The following RIGI variants were observed in gnomAD, a reference collection of about 807,000 sequenced individuals.
RIGI encodes RNA sensor RIG-I.
At chr9:32,521,314 T>C in the RIGI span, among the ~76,000 whole-genome samples, 1 of 152,076 alleles carries the variant, frequency 6.6e-6, no homozygotes, top group Non-Finnish European at 1.5e-5. Context: ...TGACATAAAA[T>C]ATTTGTTTAC....
the RIGI span, chr9:32,488,345 G>C: frequency 1.2e-6 from 1 of 803,326 alleles, no homozygotes; most frequent in African/African-American, 1.7e-5. Context: ...CCTTAGCACA[G>C]AGCCTGACAC....
the RIGI span, chr9:32,526,170 G>A: frequency 1.7e-5 from 28 of 1,610,076 alleles, no homozygotes; most frequent in African/African-American, 6.7e-5. Context: ...TGGTCATGCC[G>A]GCCTCTGCTT....
the RIGI span, among the ~76,000 whole-genome samples, chr9:32,478,950 T>C: frequency 4.7e-4 from 71 of 152,352 alleles, no homozygotes; most frequent in African/African-American, 1.5e-3. Context: ...GCACAAAATA[T>C]TGAGAAACAT....
the RIGI span, among the ~76,000 whole-genome samples, chr9:32,471,758 A>C: frequency 6.6e-6 from 1 of 152,224 alleles, no homozygotes; most frequent in South Asian, 2.1e-4. Flanking sequence ...GAGGAACAAC[A>C]AAGTTTGAAA....
the RIGI span, chr9:32,489,354 A>C: frequency 6.2e-7 from 1 of 1,610,296 alleles, no homozygotes; most frequent in Non-Finnish European, 8.5e-7. Context: ...CTGTAGGAGC[A>C]CATATTATTG....
chr9:32,492,645 G>A, the RIGI span: 1 of 1,310,648 alleles, frequency 7.6e-7, no homozygotes. Context: ...TAAAGCCATT[G>A]TACATTACAG....
chr9:32,477,179 T>C, the RIGI span: 2 of 1,602,184 alleles, frequency 1.2e-6, no homozygotes, highest in Admixed American at 1.7e-5. Flanking sequence ...TCTAAAAATT[T>C]AGAACACACT....
the RIGI span, among the ~76,000 whole-genome samples, chr9:32,496,514 G>A: frequency 6.6e-6 from 1 of 152,134 alleles, no homozygotes; most frequent in East Asian, 1.9e-4. Flanking sequence ...CATTTCTTTT[G>A]CCCTTGGACA....
chr9:32,492,508 C>T, the RIGI span: 2 of 1,614,162 alleles, frequency 1.2e-6, no homozygotes, highest in Non-Finnish European at 1.7e-6. Context: ...AATTTCTCTG[C>T]ACCTGCCATC....
the RIGI span, chr9:32,466,302 T>C: frequency 6.2e-7 from 1 of 1,613,736 alleles, no homozygotes; most frequent in East Asian, 2.2e-5. Flanking sequence ...TTTCCCTAAA[T>C]ACTGCTTCGT....
chr9:32,525,084 G>A, the RIGI span, among the ~76,000 whole-genome samples: 2 of 152,170 alleles, frequency 1.3e-5, no homozygotes, highest in Admixed American at 6.5e-5. Flanking sequence ...AAAGAATGCA[G>A]TCTTGCAAGC....
the RIGI span, chr9:32,501,056 A>G: frequency 2.4e-6 from 3 of 1,259,640 alleles, no homozygotes; most frequent in African/African-American, 1.5e-5. Context: ...ACCAAGTCAC[A>G]GCATTGGAAG....
At chr9:32,474,081 A>C in the RIGI span, among the ~76,000 whole-genome samples, 5 of 151,956 alleles carry the variant, frequency 3.3e-5, no homozygotes, top group Non-Finnish European at 7.4e-5. Flanking sequence ...TTACACCTGC[A>C]GTCCCAGCTA....
chr9:32,473,115 T>C, the RIGI span: 14 of 1,337,862 alleles, frequency 1.0e-5, no homozygotes, highest in Non-Finnish European at 1.2e-5. Flanking sequence ...AAATCATTTG[T>C]ATTAATTCAA....
the RIGI span, chr9:32,456,724 G>A: frequency 6.2e-6 from 1 of 161,978 alleles, no homozygotes; most frequent in Non-Finnish European, 1.4e-5. Flanking sequence ...ACCTTCAAAA[G>A]AACAATTTCA....
chr9:32,519,005 C>A, the RIGI span, among the ~76,000 whole-genome samples: 1 of 152,190 alleles, frequency 6.6e-6, no homozygotes, highest in South Asian at 2.1e-4. Flanking sequence ...CCACCACGCC[C>A]AGCCTAAAGT....
At chr9:32,501,410 T>G in the RIGI span, among the ~76,000 whole-genome samples, 4 of 150,508 alleles carry the variant, frequency 2.7e-5, no homozygotes, top group Non-Finnish European at 4.4e-5. Flanking sequence ...GAGGCTGAGG[T>G]GGGAGGATCA....
At chr9:32,459,836 A>G in the RIGI span, among the ~76,000 whole-genome samples, 1 of 152,212 alleles carries the variant, frequency 6.6e-6, no homozygotes, top group Non-Finnish European at 1.5e-5. Context: ...ACTTGGGAAA[A>G]AAAACAAAAC....
the RIGI span, among the ~76,000 whole-genome samples, chr9:32,508,699 T>A: frequency 6.6e-6 from 1 of 151,916 alleles, no homozygotes; most frequent in Non-Finnish European, 1.5e-5. Context: ...CTGAGCTAGC[T>A]GCAGTTTTTT....
Sources: gnomAD v4.1 joint callset for allele counts (sites outside exome capture counted in the v4.1 genomes callset) on GRCh38, gnomAD v4.1.1 for gene constraint, MANE v1.5 for transcripts, NCBI Gene and HGNC (gene_info 2026-07-23, HGNC 2026-07-21) for gene names.